ELP2: variants seen among roughly 807,000 people sequenced by gnomAD.
The protein encoded by ELP2 is elongator acetyltransferase complex subunit 2.
Under a neutral mutation model 119.2 loss-of-function variants are expected in ELP2, and 90 were observed. The observed-to-expected ratio is 0.75, with a 90% confidence interval of 0.64 to 0.90. The LOEUF (loss-of-function observed/expected upper bound fraction) is 0.90. Among genes scored for constraint, ELP2 ranks in the 40% least tolerant of loss-of-function variants. ELP2 has a pLI of 0.00. For synonymous variants in ELP2, 339 were observed against 331.0 expected, an observed-to-expected ratio of 1.02 and a Z score of -0.26; for missense variants, 921 against 967.8, an observed-to-expected ratio of 0.95 and a Z score of 0.64.
At chr18:36,141,959 A>G (rs1003759626) in intron 6 of ELP2, among the ~76,000 whole-genome samples, 11 of 152,086 alleles carry the variant, frequency 7.2e-5, no homozygotes. Context: ...CTCGCAAGGT[A>G]TTAGGATTAT....
At position 36,176,775 on chromosome 18, in the gene ELP2, A is replaced by C. The variant is rs1459439725; in HGVS notation, c.*2134A>C. On this transcript the variant is annotated 3_prime_UTR_variant, in exon 22 of 22. Coordinates refer to ENST00000358232, the MANE Select transcript of ELP2 (RefSeq NM_018255.4). Reference sequence around the variant, plus strand: ...ATTCATAATATTGAAGCGATTCATAATATCTGAAGCAATCCCCAGATACGG... The same window carrying C: ...ATTCATAATATTGAAGCGATTCATACTATCTGAAGCAATCCCCAGATACGG... The C allele has an allele frequency of 6.6e-6, 1 of 152,212 alleles. No individual in the cohort carries two copies. Among genetic ancestry groups the C allele is most frequent in the Non-Finnish European group, 1.5e-5 (1 of 68,040 alleles). The allele number at this position is 152,212 out of a possible 1,614,324, so 9.4% of individuals were successfully genotyped here.
intron 19 of ELP2, among the ~76,000 whole-genome samples, chr18:36,168,145 T>G (rs1240967758): frequency 6.6e-6 from 1 of 152,242 alleles, no homozygotes; most frequent in East Asian, 1.9e-4. Flanking sequence ...CCTTCTTTAG[T>G]CACAGACAAG....
chr18:36,149,423 G>C (rs754407688), intron 11 of ELP2, among the ~76,000 whole-genome samples: 2 of 149,796 alleles, frequency 1.3e-5, no homozygotes, highest in East Asian at 4.0e-4. Flanking sequence ...ACCCATTCCC[G>C]TCATGCCTTA....
chr18:36,160,422 A>T (rs576650638), intron 16 of ELP2, among the ~76,000 whole-genome samples: 6 of 152,014 alleles, frequency 3.9e-5, no homozygotes, highest in African/African-American at 1.2e-4. Context: ...AAAAAATTTT[A>T]AAAAATTAGC....
At chr18:36,158,740 T>G in intron 13 of ELP2, 95 bp from the exon 14 acceptor site, 4 of 888,128 alleles carry the variant, frequency 4.5e-6, no homozygotes, top group Non-Finnish European at 5.5e-6. Flanking sequence ...AGCGTGACTT[T>G]TTTGTAGTGC....
At chr18:36,155,587 A>G (rs2090548070) in intron 12 of ELP2, among the ~76,000 whole-genome samples, 1 of 152,078 alleles carries the variant, frequency 6.6e-6, no homozygotes, top group Non-Finnish European at 1.5e-5. Flanking sequence ...TGTTTTTTGT[A>G]GAGACAGGAT....
intron 6 of ELP2, 92 bp from the exon 7 acceptor site, chr18:36,142,189 C>G: frequency 5.1e-6 from 5 of 988,430 alleles, no homozygotes; most frequent in Non-Finnish European, 6.5e-6. Flanking sequence ...AAAAGAGCAA[C>G]GCAGTAGGAC....
rs1019449230 is a variant in ELP2, at chr18:36,159,939, T to A, written c.1631-19T>A. 9.3e-6 allele frequency: 15 copies of A among 1,613,722 alleles called. No homozygotes were observed. The highest frequency in any genetic ancestry group is 5.0e-5 in the Admixed American group (3 of 59,976). ...GAATTCACTTTTACATAGAAAAAAA[T>A]AGCTTCAATTTATTCTAGAGCCTCC... is the stretch of plus-strand genomic sequence containing the variant. On this transcript the variant is annotated intron_variant, in intron 15 of 21. Transcript: ENST00000358232.
At position 36,171,082 on chromosome 18, in the gene ELP2, T is replaced by C; in HGVS notation, c.2246T>C (p.Ile749Thr). The C allele has an allele frequency of 1.2e-6, 2 of 1,614,092 alleles. No individual in the cohort carries two copies. Among genetic ancestry groups the C allele is most frequent in the Non-Finnish European group, 1.7e-6 (2 of 1,179,934 alleles). The change falls in exon 21 of 22, where the codon ATT becomes ACT. Residue 749 changes from isoleucine to threonine, a missense_variant. By Grantham distance (89) the Ile-to-Thr change is moderately conservative. Transcript: ENST00000358232. ...VVAVGLECGK[I>T]CLYTWKKTDQ... ...GCAGTAGGATTGGAGTGTGGAAAGA[T>C]TTGCTTATATACCTGGAAAAAGACT...
intron 18 of ELP2, among the ~76,000 whole-genome samples, chr18:36,166,325 T>TTTTTG (rs2090900130): frequency 2.4e-5 from 2 of 83,288 alleles, no homozygotes; most frequent in Non-Finnish European, 4.9e-5. Context: ...TAGGGTTTTT[T>TTTTTG]TTTTTTTTTT....
chr18:36,160,976 C>T lies in ELP2; in HGVS notation c.1733C>T (p.Ser578Leu), dbSNP rs1290069354. The T allele has an allele frequency of 5.6e-6, 9 of 1,613,540 alleles. No individual in the cohort carries two copies. The Admixed American group carries it at 1.2e-4, about 21-fold the overall frequency. The change falls in exon 17 of 22, where the codon TCA (serine) becomes TTA (leucine). Residue 578 changes from serine (S) to leucine (L), a missense_variant. Transcript: ENST00000358232. ...ATATTTTGTGTTACTTGTAACAGTT[C>T]AAAGACTCTGCTTGCCTCAGCTTGT... Reference protein sequence around the residue: ...YEIFCVTCNSSKTLLASACKA... With the variant: ...YEIFCVTCNSLKTLLASACKA...
At position 36,152,197 on chromosome 18, in the gene ELP2, A is replaced by G. The variant is rs1598785749; in HGVS notation, c.1126-2653A>G. ...GGGTGACAGAGTGAGACCCTATCTC[A>G]AAAAAAAAAAAACAACAAAGATCTT... On this transcript the variant is annotated intron_variant, in intron 11 of 21. Coordinates refer to ENST00000358232, the MANE Select transcript of ELP2 (RefSeq NM_018255.4). Among the ~76,000 whole-genome samples the G allele has an allele frequency of 2.0e-3, 4 of 1,976 alleles. No homozygotes were observed. In the South Asian group the frequency reaches 0.054, roughly 26 times the overall value. 1.3% of individuals were successfully genotyped at this position (1,976 alleles called of 152,430 possible). A position where few individuals can be genotyped will look rare whatever the true frequency, so the allele number is the denominator to read the frequency against.
intron 11 of ELP2, among the ~76,000 whole-genome samples, chr18:36,146,830 G>A (rs541496564): frequency 3.5e-4 from 53 of 151,714 alleles, no homozygotes; most frequent in African/African-American, 7.2e-4. Flanking sequence ...AATAAGACCC[G>A]TCTCCAAAAA....
At chr18:36,159,911 A>T in intron 15 of ELP2, 47 bp from the exon 16 acceptor site, 1 of 1,608,418 alleles carries the variant, frequency 6.2e-7, no homozygotes, top group Non-Finnish European at 8.5e-7. Context: ...AATAAGTGCT[A>T]TAGAATTCAC....
chr18:36,145,578 C>T (rs962315751), intron 9 of ELP2, among the ~76,000 whole-genome samples: 4 of 152,162 alleles, frequency 2.6e-5, no homozygotes, highest in African/African-American at 9.7e-5. Flanking sequence ...AATTCTTAGG[C>T]AAACTACCAT....
At chr18:36,142,096 A>G (rs1481175240) in intron 6 of ELP2, among the ~76,000 whole-genome samples, 185 bp from the exon 7 acceptor site, 1 of 152,184 alleles carries the variant, frequency 6.6e-6, no homozygotes, top group Non-Finnish European at 1.5e-5. Context: ...GAGGTGCTCC[A>G]GTTAGTGATT....
intron 8 of ELP2, 53 bp downstream of exon 8, chr18:36,143,019 T>C: frequency 7.3e-7 from 1 of 1,367,704 alleles, no homozygotes; most frequent in Non-Finnish European, 1.0e-6. Context: ...TCCTAGTTGG[T>C]TGATTTTTTT....
chr18:36,165,819 T>C (rs1208145329), intron 18 of ELP2, among the ~76,000 whole-genome samples: 1 of 151,716 alleles, frequency 6.6e-6, no homozygotes, highest in Non-Finnish European at 1.5e-5. Flanking sequence ...GAGGCAGAGG[T>C]TGCAGTGAGC....
chr18:36,133,740 T>A lies in ELP2; in HGVS notation c.217+424T>A, dbSNP rs61696375. ...TACTTATTTATTTATTTATTTATTT[T>A]TTTTTTGCCAACTAGTTGGAGACTA... On this transcript the variant is annotated intron_variant, in intron 2 of 21. Coordinates refer to ENST00000358232, the MANE Select transcript of ELP2 (RefSeq NM_018255.4). Among the ~76,000 whole-genome samples, 513 of 149,594 alleles carry A rather than the reference T, an allele frequency of 3.4e-3. 1 individual carries two copies. The highest frequency in any genetic ancestry group is 0.012 in the African/African-American group (498 of 40,206).
Sources: allele counts gnomAD v4.1 joint callset (sites outside exome capture counted in the v4.1 genomes callset), GRCh38; gene constraint gnomAD v4.1.1; transcripts MANE v1.5; gene names NCBI Gene and HGNC (gene_info 2026-07-23, HGNC 2026-07-21).